Variants in ELMO1 observed in about 807,000 individuals in gnomAD.
The protein encoded by ELMO1 is engulfment and cell motility 1.
Under a neutral mutation model 98.9 loss-of-function variants are expected in ELMO1, and 26 were observed. That is an observed-to-expected ratio of 0.26 (90% CI 0.19 to 0.36). ELMO1 has a LOEUF of 0.36. ELMO1 is among the 10% of genes least tolerant of loss of function. The probability of loss-of-function intolerance (pLI) is 1.00; values close to 1 mark genes in which losing one functional copy is unlikely to be tolerated. For missense variants in ELMO1, 627 were observed against 935.2 expected, an observed-to-expected ratio of 0.67 and a Z score of 4.30; for synonymous variants, 346 against 346.0, an observed-to-expected ratio of 1.00 and a Z score of 0.00.
At chr7:37,171,883 A>G (rs2129826766) in intron 13 of ELMO1, among the ~76,000 whole-genome samples, 1 of 152,280 alleles carries the variant, frequency 6.6e-6, no homozygotes. Flanking sequence ...TCTAAACACC[A>G]TCAGATTCAA....
chr7:37,017,304 C>T (rs1793997442), intron 15 of ELMO1, among the ~76,000 whole-genome samples: 1 of 152,098 alleles, frequency 6.6e-6, no homozygotes, highest in South Asian at 2.1e-4. Context: ...CAAGGTTTCC[C>T]CAGGTACTCA....
rs1286112694 is a variant in ELMO1 at position 36,915,713 on chromosome 7, G to A, written c.1438-20696C>T. Among the ~76,000 whole-genome samples the A allele has an allele frequency of 4.6e-5, 7 of 152,220 alleles. No homozygotes were observed. In the East Asian group the frequency reaches 1.3e-3, roughly 29 times the overall value. On this transcript the variant is annotated intron_variant, in intron 16 of 21. Transcript: ENST00000310758. The stretch of plus-strand genomic sequence containing the variant: ...TTGGCAATCCAAGATATCAAAGCAG[G>A]AGAGATGCTAACAGCTGAGTCACAG...
intron 15 of ELMO1, among the ~76,000 whole-genome samples, chr7:37,085,010 G>A (rs1783685988): frequency 6.6e-6 from 1 of 152,134 alleles, no homozygotes. Context: ...GCCCGCCTCA[G>A]CCTCCCAAAG....
intron 13 of ELMO1, among the ~76,000 whole-genome samples, chr7:37,209,715 T>C (rs1239550835): frequency 6.6e-6 from 1 of 152,168 alleles, no homozygotes; most frequent in Non-Finnish European, 1.5e-5. Flanking sequence ...GTGAGTCCCA[T>C]CCGCCTTCCC....
intron 1 of ELMO1, among the ~76,000 whole-genome samples, chr7:37,427,232 G>A (rs938154055): frequency 5.9e-5 from 9 of 152,314 alleles, no homozygotes; most frequent in Middle Eastern, 3.4e-3. Flanking sequence ...CCAGAATACA[G>A]TGACATCTCT....
chr7:37,202,500 T>C (rs779226451), intron 13 of ELMO1, among the ~76,000 whole-genome samples: 1 of 152,232 alleles, frequency 6.6e-6, no homozygotes, highest in Admixed American at 6.5e-5. Flanking sequence ...AAGTCCACCA[T>C]AGACTGGCTT....
intron 15 of ELMO1, among the ~76,000 whole-genome samples, chr7:37,084,078 A>G (rs1438480238): frequency 6.6e-6 from 1 of 152,126 alleles, no homozygotes; most frequent in African/African-American, 2.4e-5. Flanking sequence ...TTGAAAATAG[A>G]TCATTTTTTT....
At chr7:37,133,081 A>T in intron 14 of ELMO1, 49 bp downstream of exon 14, 1 of 1,445,050 alleles carries the variant, frequency 6.9e-7, no homozygotes, top group South Asian at 1.2e-5. Context: ...GTTTGAAATT[A>T]ACATTGAGTA....
chr7:37,139,188 A>G (rs1388446983), intron 13 of ELMO1, among the ~76,000 whole-genome samples: 1 of 152,116 alleles, frequency 6.6e-6, no homozygotes, highest in Non-Finnish European at 1.5e-5. Flanking sequence ...CACTTTCACC[A>G]CTATTCAACA....
At chr7:37,126,450 C>T (rs969419762) in intron 14 of ELMO1, among the ~76,000 whole-genome samples, 3 of 151,706 alleles carry the variant, frequency 2.0e-5, no homozygotes, top group African/African-American at 7.3e-5. Context: ...AGAAGCAGTG[C>T]CGTTGTTTAA....
intron 4 of ELMO1, among the ~76,000 whole-genome samples, chr7:37,277,249 G>A (rs1796889922): frequency 6.6e-6 from 1 of 152,216 alleles, no homozygotes; most frequent in Non-Finnish European, 1.5e-5. Context: ...GAGACCTGGG[G>A]GTGACCAGCA....
At chr7:36,972,623 C>T (rs762910825) in intron 16 of ELMO1, among the ~76,000 whole-genome samples, 3 of 152,174 alleles carry the variant, frequency 2.0e-5, no homozygotes, top group Admixed American at 6.5e-5. Flanking sequence ...GTCTCTGCAT[C>T]CAGTGTTCCC....
At chr7:37,085,105 A>C (rs1783689893) in intron 15 of ELMO1, among the ~76,000 whole-genome samples, 1 of 152,184 alleles carries the variant, frequency 6.6e-6, no homozygotes, top group Non-Finnish European at 1.5e-5. Context: ...CAAGGCTGGG[A>C]GACCTGATTG....
At chr7:36,959,250 G>A (rs1322993358) in intron 16 of ELMO1, among the ~76,000 whole-genome samples, 1 of 151,732 alleles carries the variant, frequency 6.6e-6, no homozygotes. Flanking sequence ...TGCAGCAGGG[G>A]CCTCCTCATC....
At chr7:36,977,664 C>T (rs551570082) in intron 16 of ELMO1, among the ~76,000 whole-genome samples, 38 of 152,310 alleles carry the variant, frequency 2.5e-4, no homozygotes, top group African/African-American at 9.1e-4. Flanking sequence ...ACTAGGATAG[C>T]TACACCTCTT....
chr7:37,320,161 C>T (rs912600029), intron 2 of ELMO1, among the ~76,000 whole-genome samples: 1 of 152,186 alleles, frequency 6.6e-6, no homozygotes, highest in African/African-American at 2.4e-5. Context: ...CCTGTAGTTC[C>T]AGCTACTCGG....
At chr7:37,368,138 T>C (rs1424606707) in intron 1 of ELMO1, among the ~76,000 whole-genome samples, 1 of 152,144 alleles carries the variant, frequency 6.6e-6, no homozygotes, top group Non-Finnish European at 1.5e-5. Flanking sequence ...AAGTCAAATA[T>C]CACTGCCTCT....
At chr7:37,222,216 A>C (rs2130533218) in intron 10 of ELMO1, among the ~76,000 whole-genome samples, 1 of 152,356 alleles carries the variant, frequency 6.6e-6, no homozygotes. Context: ...TTCCTGATAC[A>C]GAAAATGAGA....
At chr7:37,423,251 T>C (rs890412437) in intron 1 of ELMO1, among the ~76,000 whole-genome samples, 2 of 152,210 alleles carry the variant, frequency 1.3e-5, no homozygotes, top group African/African-American at 2.4e-5. Context: ...TGTGTCTCTT[T>C]ACCTAATGTC....
Sources: allele counts gnomAD v4.1 joint callset (sites outside exome capture counted in the v4.1 genomes callset), GRCh38; gene constraint gnomAD v4.1.1; transcripts MANE v1.5; gene names NCBI Gene and HGNC (gene_info 2026-07-23, HGNC 2026-07-21).